HERC4: variants seen among roughly 807,000 people sequenced by gnomAD.
HERC4 encodes HECT and RLD domain containing E3 ubiquitin protein ligase 4, also known as probable E3 ubiquitin-protein ligase HERC4.
A neutral mutation model predicts 124.3 loss-of-function variants in HERC4; 28 were observed. The ratio of observed to expected loss-of-function variants is 0.23; its 90% CI spans 0.17 to 0.31. The LOEUF (loss-of-function observed/expected upper bound fraction) is 0.31. Ranked by LOEUF, HERC4 falls within the 10% of genes least tolerant of loss-of-function variation. The pLI, the probability that HERC4 is intolerant of heterozygous loss-of-function variation, is 1.00. For synonymous variants in HERC4, 407 were observed against 421.5 expected (o/e 0.97, Z 0.42); for missense variants, 713 against 1,229.3 (o/e 0.58, Z 6.28).
chr10:68,050,635 TACAC>T (rs1407092234), intron 3 of HERC4, among the ~76,000 whole-genome samples: 7 of 152,200 alleles, frequency 4.6e-5, no homozygotes, highest in African/African-American at 1.7e-4. Flanking sequence ...AGACATCAAA[TACAC>T]AAAACTGATA....
chr10:68,004,668 A>C (rs777831233), intron 9 of HERC4, among the ~76,000 whole-genome samples: 2 of 152,230 alleles, frequency 1.3e-5, no homozygotes, highest in Non-Finnish European at 2.9e-5. Context: ...CTCACAGTTC[A>C]GCATAGCTGG....
At chr10:68,007,290 C>G (rs924448315) in intron 9 of HERC4, among the ~76,000 whole-genome samples, 11 of 152,098 alleles carry the variant, frequency 7.2e-5, no homozygotes, top group African/African-American at 2.7e-4. Flanking sequence ...TTTCTAACTC[C>G]AGAATTTCTC....
chr10:67,985,598 T>C (rs993126568), intron 15 of HERC4, among the ~76,000 whole-genome samples: 1 of 152,198 alleles, frequency 6.6e-6, no homozygotes, highest in African/African-American at 2.4e-5. Flanking sequence ...CACAAATATG[T>C]AGCGACTAGG....
At chr10:68,049,309 G>A (rs929488563) in intron 3 of HERC4, among the ~76,000 whole-genome samples, 1 of 152,068 alleles carries the variant, frequency 6.6e-6, no homozygotes, top group Admixed American at 6.5e-5. Flanking sequence ...GCTATTTTTT[G>A]TGTAAGAGGA....
intron 3 of HERC4, among the ~76,000 whole-genome samples, chr10:68,065,152 T>A (rs2041239237): frequency 6.6e-6 from 1 of 152,178 alleles, no homozygotes; most frequent in Non-Finnish European, 1.5e-5. Context: ...CAGTTTGTAA[T>A]CAGAAACATA....
intron 7 of HERC4, among the ~76,000 whole-genome samples, chr10:68,029,429 T>C (rs2039075571): frequency 6.6e-6 from 1 of 151,778 alleles, no homozygotes; most frequent in Admixed American, 6.6e-5. Context: ...GAGGTGGACG[T>C]TACAGTGGGC....
intron 9 of HERC4, among the ~76,000 whole-genome samples, chr10:68,006,111 T>G (rs6480301): frequency 9.2e-4 from 140 of 152,324 alleles, no homozygotes; most frequent in African/African-American, 3.0e-3. Flanking sequence ...TTACATCTAT[T>G]TATATCTTAT....
At chr10:67,951,202 T>C (rs2033766851) in intron 19 of HERC4, among the ~76,000 whole-genome samples, 1 of 152,140 alleles carries the variant, frequency 6.6e-6, no homozygotes, top group African/African-American at 2.4e-5. Flanking sequence ...GAACTCTGTG[T>C]TTCTAGCAGC....
At position 68,005,954 on chromosome 10, in the gene HERC4, G is replaced by C. The variant is rs565457409; in HGVS notation, c.1069+8072C>G. On this transcript the variant is annotated intron_variant, in intron 9 of 24. Transcript: ENST00000373700. ...GGCTCAAGCAATCCTCTTGCCTCCTGTTTTCTGATCTGATCTGAGGTTACC... is the reference window on the plus strand; with the variant it reads ...GGCTCAAGCAATCCTCTTGCCTCCTCTTTTCTGATCTGATCTGAGGTTACC... Among the ~76,000 whole-genome samples the C allele has an allele frequency of 2.0e-5, 3 of 152,114 alleles. No homozygotes were observed. The South Asian group carries it at 6.2e-4, about 32-fold the overall frequency.
chr10:68,004,213 T>G (rs925323463), intron 9 of HERC4, among the ~76,000 whole-genome samples: 1 of 152,220 alleles, frequency 6.6e-6, no homozygotes, highest in Admixed American at 6.5e-5. Context: ...ATAGAGTTGT[T>G]TCAGGAACAA....
At chr10:67,985,398 T>C (rs1007888447) in intron 15 of HERC4, among the ~76,000 whole-genome samples, 18 of 152,230 alleles carry the variant, frequency 1.2e-4, no homozygotes, top group African/African-American at 4.1e-4. Context: ...TTTAGGATTA[T>C]TGCCTAAATG....
At chr10:67,980,278 C>T (rs2035851370) in intron 15 of HERC4, among the ~76,000 whole-genome samples, 1 of 152,088 alleles carries the variant, frequency 6.6e-6, no homozygotes, top group South Asian at 2.1e-4. Flanking sequence ...GGATTACAGA[C>T]ATGCGCCACC....
chr10:68,059,545 ATATC>A (rs1357912229), intron 3 of HERC4, among the ~76,000 whole-genome samples: 9 of 103,996 alleles, frequency 8.7e-5, no homozygotes, highest in Admixed American at 5.1e-4. Context: ...ATCATATTAT[ATATC>A]ATAATATATA....
At chr10:67,925,333 T>C (rs1257484577) in intron 23 of HERC4, 146 bp from the exon 24 acceptor site, 2 of 525,314 alleles carry the variant, frequency 3.8e-6, no homozygotes, top group East Asian at 6.2e-5. Flanking sequence ...TTTGAAGCTA[T>C]TAGTTCCAGG....
At chr10:68,065,521 T>C (rs1170636228) in intron 3 of HERC4, among the ~76,000 whole-genome samples, 1 of 152,226 alleles carries the variant, frequency 6.6e-6, no homozygotes. Flanking sequence ...ATAAAACTTA[T>C]GGTTTAAAGA....
At chr10:67,948,087 C>T (rs893203223) in intron 19 of HERC4, among the ~76,000 whole-genome samples, 5 of 129,166 alleles carry the variant, frequency 3.9e-5, no homozygotes, top group Non-Finnish European at 6.7e-5. Context: ...CATACTACAA[C>T]TTATAGGATG....
intron 15 of HERC4, among the ~76,000 whole-genome samples, chr10:67,983,451 C>G (rs1320475926): frequency 6.6e-6 from 1 of 152,062 alleles, no homozygotes; most frequent in Non-Finnish European, 1.5e-5. Context: ...TCACAATTGC[C>G]AAGATTTGGA....
At chr10:67,932,575 T>C in intron 23 of HERC4, 22 bp downstream of exon 23, 5 of 1,581,986 alleles carry the variant, frequency 3.2e-6, no homozygotes, top group Non-Finnish European at 4.3e-6. Flanking sequence ...TTTAACAATA[T>C]CAGAGATTAG....
intron 16 of HERC4, chr10:67,964,694 C>G (rs979535337): frequency 3.9e-5 from 6 of 152,180 alleles, no homozygotes; most frequent in Admixed American, 3.3e-4. Context: ...TTACTAAACT[C>G]TCTATGATCT....
Sources: allele counts gnomAD v4.1 joint callset (sites outside exome capture counted in the v4.1 genomes callset), GRCh38; gene constraint gnomAD v4.1.1; transcripts MANE v1.5; gene names NCBI Gene and HGNC (gene_info 2026-07-23, HGNC 2026-07-21).